The following PRELP variants were observed in gnomAD, a reference collection of about 807,000 sequenced individuals.
PRELP encodes the protein proline and arginine rich end leucine rich repeat protein, also known as prolargin.
In PRELP, 16 loss-of-function variants were observed where a neutral mutation model predicts 22.8. The ratio of observed to expected loss-of-function variants is 0.70; its 90% CI spans 0.47 to 1.06. The LOEUF (loss-of-function observed/expected upper bound fraction) is 1.06. PRELP is among the 50% of genes least tolerant of loss of function. PRELP has a pLI of 0.00. For missense variants in PRELP, 434 were observed against 485.2 expected, an observed-to-expected ratio of 0.89 and a Z score of 0.99; for synonymous variants, 233 against 211.4, an observed-to-expected ratio of 1.10 and a Z score of -0.89.
Position 203,490,284 on chromosome 1 carries a change from G to A in PRELP, c.*3403G>A, listed in dbSNP as rs189697070. 1 of 152,236 alleles carries A rather than the reference G, an allele frequency of 6.6e-6. No individual in the cohort carries two copies. The highest frequency in any genetic ancestry group is 6.5e-5 in the Admixed American group (1 of 15,284). 9.4% of individuals were successfully genotyped at this position (152,236 alleles called of 1,614,324 possible). On this transcript the variant is annotated 3_prime_UTR_variant, in exon 3 of 3. Transcript: ENST00000343110. The stretch of plus-strand genomic sequence containing the variant: ...CCCAGCCCCAAAGCCATTTCTTGAA[G>A]AATTTCTCGCAAACTCACAACCCTC...
chr1:203,483,161 C>T lies in PRELP; in HGVS notation c.-16-8C>T. 6.6e-7 allele frequency: 1 copy of T among 1,517,072 alleles called. No individual in the cohort carries two copies. 94.0% of individuals were successfully genotyped at this position (1,517,072 alleles called of 1,614,324 possible). A position where few individuals can be genotyped will look rare whatever the true frequency, so the allele number is the denominator to read the frequency against. On this transcript the variant is annotated splice_region_variant and splice_polypyrimidine_tract_variant and intron_variant, in intron 1 of 2. Transcript: ENST00000343110. The surrounding 1 kb of genome is among the most constrained non-coding windows in gnomAD (Gnocchi z 4.4). ...AGGATAATGACCTTATGTGTCTTCT[C>T]CCTGCAGGTGCATCACCTGGATCAT...
chr1:203,478,010 C>T (rs561290325), intron 1 of PRELP, among the ~76,000 whole-genome samples: 11 of 152,306 alleles, frequency 7.2e-5, no homozygotes, highest in South Asian at 4.1e-4. Context: ...TCCCTGCCTT[C>T]GAGCAGTGCA....
intron 1 of PRELP, among the ~76,000 whole-genome samples, chr1:203,482,841 C>T (rs1661027486): frequency 6.6e-6 from 1 of 152,032 alleles, no homozygotes. Context: ...TCATGATCTG[C>T]CCACCTTGGC....
rs1661162862 is a variant in PRELP, at chr1:203,489,966, A to C, written c.*3085A>C. The C allele has an allele frequency of 2.0e-5, 3 of 152,088 alleles. No homozygotes were observed. Among genetic ancestry groups the C allele is most frequent in the Admixed American group, 2.0e-4 (3 of 15,272 alleles). The allele number at this position is 152,088 out of a possible 1,614,324, so 9.4% of individuals were successfully genotyped here. A position where few individuals can be genotyped will look rare whatever the true frequency, so the allele number is the denominator to read the frequency against. ...AACGAGACTTCATTTAAAAAAAATAAAAATAAAAATAAAAATAAAGTCATC... is the reference window on the plus strand; with the variant it reads ...AACGAGACTTCATTTAAAAAAAATACAAATAAAAATAAAAATAAAGTCATC... On this transcript the variant is annotated 3_prime_UTR_variant, in exon 3 of 3. Coordinates refer to ENST00000343110, the MANE Select transcript of PRELP (RefSeq NM_002725.4).
chr1:203,479,500 G>A (rs931809046), intron 1 of PRELP, among the ~76,000 whole-genome samples: 1 of 151,876 alleles, frequency 6.6e-6, no homozygotes, highest in Non-Finnish European at 1.5e-5. Context: ...CTCAGGGGTT[G>A]GAGACCAGCC....
At chr1:203,479,706 CAAAAAAAA>C (rs397844598) in intron 1 of PRELP, among the ~76,000 whole-genome samples, 15 of 52,516 alleles carry the variant, frequency 2.9e-4, no homozygotes, top group African/African-American at 4.3e-4. Flanking sequence ...CCTGTATCAC[CAAAAAAAA>C]AAAAAAAAAA....
chr1:203,479,514 G>A (rs914512390), intron 1 of PRELP, among the ~76,000 whole-genome samples: 1 of 151,760 alleles, frequency 6.6e-6, no homozygotes, highest in Admixed American at 6.6e-5. Flanking sequence ...ACCAGCCTGG[G>A]CAACATGGTA....
rs1201209524 is a variant in PRELP, at chr1:203,488,569, T to C, written c.*1688T>C. On this transcript the variant is annotated 3_prime_UTR_variant, in exon 3 of 3. Transcript: ENST00000343110. ...CTCTGAGGTCCCTCCGGCGCTCATG[T>C]TCCGAGTCTGCAGCTCCACACTTTA... 2 of 152,270 alleles carry C rather than the reference T, an allele frequency of 1.3e-5. No homozygotes were observed. The highest frequency in any genetic ancestry group is 2.9e-5 in the Non-Finnish European group (2 of 68,066). The allele number at this position is 152,270 out of a possible 1,614,324, so 9.4% of individuals were successfully genotyped here.
chr1:203,479,198 C>T (rs1310234417), intron 1 of PRELP, among the ~76,000 whole-genome samples: 1 of 152,108 alleles, frequency 6.6e-6, no homozygotes, highest in Non-Finnish European at 1.5e-5. Context: ...CTAGCCCTGC[C>T]TAGCCCTGGG....
rs908977149 is a variant in PRELP at position 203,488,347 on chromosome 1, C to T, written c.*1466C>T. 3.9e-5 allele frequency: 6 copies of T among 152,190 alleles called. No individual in the cohort carries two copies. Among genetic ancestry groups the T allele is most frequent in the African/African-American group, 1.4e-4 (6 of 41,422 alleles). 9.4% of individuals were successfully genotyped at this position (152,190 alleles called of 1,614,324 possible). On this transcript the variant is annotated 3_prime_UTR_variant, in exon 3 of 3. Transcript: ENST00000343110. ...CACCCTGGGCAACATGGTGAAACCCCCGTCTCTACTAAAATACAAAAAAAT... is the reference window on the plus strand; with the variant it reads ...CACCCTGGGCAACATGGTGAAACCCTCGTCTCTACTAAAATACAAAAAAAT...
Position 203,487,513 on chromosome 1 carries a change from C to G in PRELP, c.*632C>G, listed in dbSNP as rs1346942727. The G allele has an allele frequency of 1.3e-5, 2 of 152,980 alleles. No homozygotes were observed. Among genetic ancestry groups the G allele is most frequent in the Non-Finnish European group, 2.9e-5 (2 of 68,270 alleles). 9.5% of individuals were successfully genotyped at this position (152,980 alleles called of 1,614,324 possible). The stretch of plus-strand genomic sequence containing the variant: ...AGGGGCCTGCATCTGGCCAGCAGGA[C>G]ACAGGGATGCGCAGGGCGCCCCCTT... On this transcript the variant is annotated 3_prime_UTR_variant, in exon 3 of 3. Coordinates refer to ENST00000343110, the MANE Select transcript of PRELP (RefSeq NM_002725.4).
In PRELP at chr1:203,487,799, G is replaced by A. The variant is rs373340487; in HGVS notation, c.*918G>A. On this transcript the variant is annotated 3_prime_UTR_variant, in exon 3 of 3. Coordinates refer to ENST00000343110, the MANE Select transcript of PRELP (RefSeq NM_002725.4). Reference sequence around the variant, plus strand: ...CCCGCCATCTGTTCTCCATCAGTGTGCGCGGCCCAGCCATTTCCACCCTCG... The same window carrying A: ...CCCGCCATCTGTTCTCCATCAGTGTACGCGGCCCAGCCATTTCCACCCTCG... 2 of 152,246 alleles carry A rather than the reference G, an allele frequency of 1.3e-5. No homozygotes were observed. Among genetic ancestry groups the A allele is most frequent in the South Asian group, 2.1e-4 (1 of 4,836 alleles). 9.4% of individuals were successfully genotyped at this position (152,246 alleles called of 1,614,324 possible). A position where few individuals can be genotyped will look rare whatever the true frequency, so the allele number is the denominator to read the frequency against.
At chr1:203,479,696 C>T (rs1474961087) in intron 1 of PRELP, among the ~76,000 whole-genome samples, 2 of 111,098 alleles carry the variant, frequency 1.8e-5, no homozygotes, top group Non-Finnish European at 3.4e-5. Context: ...AAAGGGAGAC[C>T]CTGTATCACC....
intron 1 of PRELP, among the ~76,000 whole-genome samples, chr1:203,477,643 T>C (rs1156810747): frequency 1.3e-5 from 2 of 152,190 alleles, no homozygotes; most frequent in Admixed American, 1.3e-4. Context: ...AGCTGAACAC[T>C]TTCTTCATGC....
Position 203,483,177 on chromosome 1 carries a change from C to G in PRELP, c.-8C>G. The G allele has an allele frequency of 6.5e-7, 1 of 1,528,808 alleles. No individual in the cohort carries two copies. The highest frequency in any genetic ancestry group is 8.8e-7 in the Non-Finnish European group (1 of 1,140,488). The allele number at this position is 1,528,808 out of a possible 1,614,324, so 94.7% of individuals were successfully genotyped here. A position where few individuals can be genotyped will look rare whatever the true frequency, so the allele number is the denominator to read the frequency against. ...GTGTCTTCTCCCTGCAGGTGCATCA[C>G]CTGGATCATGAGGTCACCCCTCTGC... On this transcript the variant is annotated 5_prime_UTR_variant, in exon 2 of 3. Transcript: ENST00000343110. The surrounding 1 kb of genome is among the most constrained non-coding windows in gnomAD (Gnocchi z 4.4).
In PRELP at chr1:203,490,459, T is replaced by C. The variant is rs1303927817; in HGVS notation, c.*3578T>C. 1 of 152,046 alleles carries C rather than the reference T, an allele frequency of 6.6e-6. No homozygotes were observed. Among genetic ancestry groups the C allele is most frequent in the Non-Finnish European group, 1.5e-5 (1 of 68,018 alleles). The allele number at this position is 152,046 out of a possible 1,614,324, so 9.4% of individuals were successfully genotyped here. Reference sequence around the variant, plus strand: ...GCTACATGTACTAAATTGTCGAAGGTCTCCCAGGAGCTCTGTACTGAGGCA... The same window carrying C: ...GCTACATGTACTAAATTGTCGAAGGCCTCCCAGGAGCTCTGTACTGAGGCA... On this transcript the variant is annotated 3_prime_UTR_variant, in exon 3 of 3. Transcript: ENST00000343110.
At chr1:203,486,633 T>C (rs758453057) in intron 2 of PRELP, 73 bp from the exon 3 acceptor site, 19 of 1,439,884 alleles carry the variant, frequency 1.3e-5, no homozygotes, top group Non-Finnish European at 1.8e-5. Context: ...CTCGGGTGTC[T>C]TCCCCCTTCC....
At chr1:203,477,167 C>T (rs890651104) in intron 1 of PRELP, among the ~76,000 whole-genome samples, 9 of 152,208 alleles carry the variant, frequency 5.9e-5, no homozygotes, top group Admixed American at 5.9e-4. Flanking sequence ...CAGATGTCGG[C>T]TCTCACTGCA....
At chr1:203,477,146 T>TA (rs1456531604) in intron 1 of PRELP, among the ~76,000 whole-genome samples, 1 of 152,076 alleles carries the variant, frequency 6.6e-6, no homozygotes, top group Non-Finnish European at 1.5e-5. Flanking sequence ...GTGGAGGGCT[T>TA]ACTAAAAATA....
Sources: gnomAD v4.1 joint callset for allele counts (sites outside exome capture counted in the v4.1 genomes callset) on GRCh38, gnomAD v4.1.1 for gene constraint, Gnocchi (gnomAD v3.1) non-coding constraint, MANE v1.5 for transcripts, NCBI Gene and HGNC (gene_info 2026-07-23, HGNC 2026-07-21) for gene names.